ZMIZ1: variants seen among roughly 807,000 people sequenced by gnomAD.
The protein encoded by ZMIZ1 is zinc finger MIZ domain-containing protein 1.
In ZMIZ1, 17 loss-of-function variants were observed where a neutral mutation model predicts 113.9. The ratio of observed to expected loss-of-function variants is 0.15; its 90% CI spans 0.10 to 0.22. The LOEUF (loss-of-function observed/expected upper bound fraction) is 0.22, where lower values mean the gene tolerates loss of function less well. ZMIZ1 is among the 10% of genes least tolerant of loss of function. The pLI, the probability that ZMIZ1 is intolerant of heterozygous loss-of-function variation, is 1.00. For missense variants in ZMIZ1, 1,059 were observed against 1,477.8 expected (o/e 0.72, Z 4.65); for synonymous variants, 607 against 603.1 (o/e 1.01, Z -0.09).
chr10:79,096,967 G>C (rs146008892), intron 1 of ZMIZ1, among the ~76,000 whole-genome samples: 2 of 152,348 alleles, frequency 1.3e-5, no homozygotes, highest in Non-Finnish European at 2.9e-5. Flanking sequence ...TGGGAAAAGA[G>C]AGCACACAGG....
chr10:79,257,913 G>T (rs1267670363), intron 7 of ZMIZ1, among the ~76,000 whole-genome samples: 1 of 152,264 alleles, frequency 6.6e-6, no homozygotes, highest in Non-Finnish European at 1.5e-5. Context: ...CCAGAGGGAA[G>T]GGACCTCGCT....
chr10:79,136,299 G>T (rs1052688311), intron 2 of ZMIZ1, among the ~76,000 whole-genome samples: 1 of 152,214 alleles, frequency 6.6e-6, no homozygotes, highest in Non-Finnish European at 1.5e-5. Context: ...GGCAGGCCCA[G>T]CTCGTCTCTA....
At chr10:79,236,906 C>T (rs1029592244) in intron 7 of ZMIZ1, among the ~76,000 whole-genome samples, 4 of 152,250 alleles carry the variant, frequency 2.6e-5, no homozygotes, top group African/African-American at 9.6e-5. Context: ...TGGAGCTTGC[C>T]TTTTAGTGAG....
chr10:79,298,728 A>C (rs920882904), intron 15 of ZMIZ1, 148 bp downstream of exon 15: 23 of 789,880 alleles, frequency 2.9e-5, no homozygotes, highest in Non-Finnish European at 4.2e-5. Context: ...GGCACACTCA[A>C]GGCGGGGTAG....
At chr10:79,125,778 A>G (rs1406393213) in intron 2 of ZMIZ1, among the ~76,000 whole-genome samples, 8 of 152,108 alleles carry the variant, frequency 5.3e-5, no homozygotes, top group African/African-American at 1.9e-4. Flanking sequence ...TTTAGAAATC[A>G]TTTTACCCAC....
At chr10:79,270,268 A>G (rs1251997965) in intron 7 of ZMIZ1, among the ~76,000 whole-genome samples, 1 of 152,138 alleles carries the variant, frequency 6.6e-6, no homozygotes, top group Non-Finnish European at 1.5e-5. Context: ...GGGGAAGCAG[A>G]TGTTGGGAAG....
chr10:79,098,418 G>A (rs553071218), intron 1 of ZMIZ1, among the ~76,000 whole-genome samples: 26 of 152,344 alleles, frequency 1.7e-4, no homozygotes, highest in African/African-American at 6.3e-4. Flanking sequence ...CCTCAGGGAA[G>A]TGACTCGACC....
At chr10:79,305,638 G>T in intron 21 of ZMIZ1, 37 bp downstream of exon 21, 1 of 1,603,772 alleles carries the variant, frequency 6.2e-7, no homozygotes. Context: ...GGGGTGGGAG[G>T]GGACGAGGCC....
At chr10:79,293,276 C>G in intron 11 of ZMIZ1, 105 bp from the exon 12 acceptor site, 1 of 1,444,148 alleles carries the variant, frequency 6.9e-7, no homozygotes, top group African/African-American at 1.4e-5. Flanking sequence ...TGCCCCCTCC[C>G]CACTCCTCCA....
intron 4 of ZMIZ1, among the ~76,000 whole-genome samples, chr10:79,176,375 G>A (rs1406922038): frequency 1.3e-5 from 2 of 152,140 alleles, no homozygotes; most frequent in South Asian, 2.1e-4. Flanking sequence ...GGGTGTCTGC[G>A]TCATGGAGCT....
chr10:79,200,582 G>A (rs1228583448), intron 4 of ZMIZ1, among the ~76,000 whole-genome samples: 4 of 152,248 alleles, frequency 2.6e-5, no homozygotes, highest in African/African-American at 9.6e-5. Context: ...GAAACCGCGG[G>A]CTGGCAGTCA....
chr10:79,146,957 TG>T (rs1845516394), intron 3 of ZMIZ1, among the ~76,000 whole-genome samples: 1 of 130,654 alleles, frequency 7.7e-6, no homozygotes. Context: ...TGTGTGTGTG[TG>T]TGTGTGTGTG....
intron 7 of ZMIZ1, among the ~76,000 whole-genome samples, chr10:79,224,505 G>C (rs962890363): frequency 2.0e-5 from 3 of 152,076 alleles, no homozygotes; most frequent in Admixed American, 6.5e-5. Context: ...CCTACAGAGC[G>C]GGGGTGTACA....
chr10:79,261,934 C>T (rs1851296827), intron 7 of ZMIZ1, among the ~76,000 whole-genome samples: 1 of 152,124 alleles, frequency 6.6e-6, no homozygotes, highest in Admixed American at 6.5e-5. Context: ...TGCCTGACAC[C>T]CTTGTAAGAG....
chr10:79,087,117 C>T (rs1263170854), intron 1 of ZMIZ1, among the ~76,000 whole-genome samples: 1 of 152,274 alleles, frequency 6.6e-6, no homozygotes, highest in East Asian at 1.9e-4. Flanking sequence ...TCCACCTTCC[C>T]ATTGCTTGTT....
intron 4 of ZMIZ1, among the ~76,000 whole-genome samples, chr10:79,164,118 T>G (rs1846221313): frequency 6.6e-6 from 1 of 152,138 alleles, no homozygotes; most frequent in Non-Finnish European, 1.5e-5. Context: ...TACCTTGGTG[T>G]CCTAGACACG....
At chr10:79,234,776 A>T (rs1200568314) in intron 7 of ZMIZ1, among the ~76,000 whole-genome samples, 3 of 152,208 alleles carry the variant, frequency 2.0e-5, no homozygotes. Flanking sequence ...CGGCCTTTAC[A>T]GGGAATTAGC....
At chr10:79,111,438 C>G (rs961598525) in intron 1 of ZMIZ1, among the ~76,000 whole-genome samples, 1 of 152,136 alleles carries the variant, frequency 6.6e-6, no homozygotes, top group South Asian at 2.1e-4. Context: ...AAAGGTGTAC[C>G]CTCTCCCATA....
chr10:79,302,286 C>G, intron 18 of ZMIZ1, 74 bp downstream of exon 18: 2 of 1,458,560 alleles, frequency 1.4e-6, no homozygotes, highest in Non-Finnish European at 1.9e-6. Context: ...AAGCAGTCAC[C>G]ATTCACCTGG....
Sources: gnomAD v4.1 joint callset for allele counts (sites outside exome capture counted in the v4.1 genomes callset) on GRCh38, gnomAD v4.1.1 for gene constraint, MANE v1.5 for transcripts, NCBI Gene and HGNC (gene_info 2026-07-23, HGNC 2026-07-21) for gene names.